The following NBEA variants were observed in gnomAD, a reference collection of about 807,000 sequenced individuals.
NBEA encodes neurobeachin.
NBEA carries 44 observed loss-of-function variants against 343.4 expected under a neutral mutation model. The observed-to-expected ratio is 0.13, with a 90% CI of 0.10 to 0.16. NBEA has a LOEUF of 0.16. NBEA is among the 10% of genes least tolerant of loss of function. The pLI, the probability that NBEA is intolerant of heterozygous loss-of-function variation, is 1.00. For synonymous variants in NBEA, 1,175 were observed against 1,238.7 expected (o/e 0.95, Z 1.08); for missense variants, 2,555 against 3,631.3 (o/e 0.70, Z 7.62).
intron 38 of NBEA, among the ~76,000 whole-genome samples, chr13:35,396,018 C>G (rs1265946744): frequency 6.6e-6 from 1 of 152,100 alleles, no homozygotes; most frequent in Non-Finnish European, 1.5e-5. Flanking sequence ...TCATCTGTGT[C>G]TATGTTTTTT....
At chr13:35,427,481 C>T (rs535343673) in intron 38 of NBEA, among the ~76,000 whole-genome samples, 13 of 152,282 alleles carry the variant, frequency 8.5e-5, no homozygotes, top group African/African-American at 3.1e-4. Flanking sequence ...GCTGCCGAAT[C>T]GTTCCTCTGG....
Position 35,586,541 on chromosome 13 carries a change from T to C in NBEA, c.7176+2503T>C, listed in dbSNP as rs1593296383. On this transcript the variant is annotated intron_variant, in intron 46 of 58. Coordinates refer to ENST00000379939, the MANE Select transcript of NBEA (RefSeq NM_001385012.1). The stretch of plus-strand genomic sequence containing the variant: ...TAAAACTATTTTTAGACCAAAGTTA[T>C]TAAATCAGTCTAGTTTATCCAAACA... Among the ~76,000 whole-genome samples, 3 of 152,354 alleles carry C rather than the reference T, an allele frequency of 2.0e-5. No homozygotes were observed. In the South Asian group the frequency reaches 6.2e-4, roughly 32 times the overall value.
intron 53 of NBEA, among the ~76,000 whole-genome samples, chr13:35,652,688 CT>C (rs766315741): frequency 1.6e-3 from 108 of 67,586 alleles, no homozygotes; most frequent in African/African-American, 5.6e-3. Context: ...TTCTGGCAGT[CT>C]TTTTTTTTTT....
At chr13:35,403,826 A>G (rs1195996556) in intron 38 of NBEA, among the ~76,000 whole-genome samples, 6 of 152,100 alleles carry the variant, frequency 3.9e-5, no homozygotes, top group African/African-American at 7.2e-5. Context: ...GCAACCTACA[A>G]AATGGGAGAA....
chr13:34,972,673 G>A (rs1054917552), intron 1 of NBEA, among the ~76,000 whole-genome samples: 3 of 152,122 alleles, frequency 2.0e-5, no homozygotes, highest in Non-Finnish European at 4.4e-5. Context: ...TAATTTGATT[G>A]CGCTGTGGTC....
At chr13:35,602,997 C>G (rs2082122402) in intron 47 of NBEA, among the ~76,000 whole-genome samples, 1 of 152,154 alleles carries the variant, frequency 6.6e-6, no homozygotes, top group African/African-American at 2.4e-5. Context: ...TCAACTTTTT[C>G]TATATTTAAA....
Position 34,942,501 on chromosome 13 carries a change from A to C in NBEA, c.-320A>C. On this transcript the variant is annotated 5_prime_UTR_variant, in exon 1 of 59. Transcript: ENST00000379939. Reference sequence around the variant, plus strand: ...GGCGGGCCGGGCCGGACAGACCGGGAGAGGGAGAGAGCAGAGGCAGCGGCG... The same window carrying C: ...GGCGGGCCGGGCCGGACAGACCGGGCGAGGGAGAGAGCAGAGGCAGCGGCG... 1.7e-5 allele frequency: 3 copies of C among 176,714 alleles called. No homozygotes were observed. Among genetic ancestry groups the C allele is most frequent in the Non-Finnish European group, 3.5e-5 (3 of 85,404 alleles). The allele number at this position is 176,714 out of a possible 1,614,324, so 10.9% of individuals were successfully genotyped here.
chr13:35,564,704 G>A (rs768207949), intron 44 of NBEA, among the ~76,000 whole-genome samples: 2 of 152,110 alleles, frequency 1.3e-5, no homozygotes, highest in East Asian at 3.9e-4. Flanking sequence ...ACACAAGCAG[G>A]TTCATTGATT....
At chr13:35,646,467 C>G (rs746441480) in intron 51 of NBEA, 119 bp downstream of exon 51, 84 of 741,028 alleles carry the variant, frequency 1.1e-4, no homozygotes, top group Non-Finnish European at 1.8e-4. Flanking sequence ...TTGGTTAACT[C>G]TTCAGCCTAA....
rs755621340 is a variant in NBEA at position 35,056,065 on chromosome 13, G to A, written c.1028G>A (p.Arg343Gln). The A allele has an allele frequency of 1.9e-6, 3 of 1,605,876 alleles. No homozygotes were observed. The highest frequency in any genetic ancestry group is 1.3e-5 in the African/African-American group (1 of 74,704). The change falls in exon 7 of 59, where the codon CGG becomes CAG. Residue 343 changes from arginine to glutamine, a missense_variant. Transcript: ENST00000379939. Reference protein sequence around the residue: ...IYNRWRNSEIRCYVNGQLVSY... With the variant: ...IYNRWRNSEIQCYVNGQLVSY... Reference sequence around the variant, plus strand: ...AATCGATGGAGGAACAGTGAAATTCGGTGTTATGTTAATGGACAACTGGTA... The same window carrying A: ...AATCGATGGAGGAACAGTGAAATTCAGTGTTATGTTAATGGACAACTGGTA...
Position 35,109,101 on chromosome 13 carries a change from A to G in NBEA, c.1681-189A>G, listed in dbSNP as rs551300637. Among the ~76,000 whole-genome samples the G allele has an allele frequency of 3.9e-4, 59 of 152,292 alleles. 1 individual carries two copies. The South Asian group carries it at 8.7e-3, about 22-fold the overall frequency. ...TAGATCAGGCTTCAAATAACAAGCT[A>G]TCACTCAAAGAAATAGCTGAAATTT... On this transcript the variant is annotated intron_variant, in intron 11 of 58. Coordinates refer to ENST00000379939, the MANE Select transcript of NBEA (RefSeq NM_001385012.1).
intron 1 of NBEA, among the ~76,000 whole-genome samples, chr13:34,959,182 C>CT (rs1415454813): frequency 2.0e-5 from 3 of 151,690 alleles, no homozygotes; most frequent in East Asian, 1.9e-4. Context: ...TTTAATGATT[C>CT]TTTTTTTTAC....
intron 41 of NBEA, among the ~76,000 whole-genome samples, chr13:35,516,634 A>G (rs910610768): frequency 6.6e-6 from 1 of 152,128 alleles, no homozygotes; most frequent in African/African-American, 2.4e-5. Context: ...TTTGTTATTC[A>G]TGCCACATTC....
intron 44 of NBEA, among the ~76,000 whole-genome samples, chr13:35,564,458 T>A (rs2080035235): frequency 6.6e-6 from 1 of 152,126 alleles, no homozygotes; most frequent in Non-Finnish European, 1.5e-5. Flanking sequence ...TAGCTCTGTC[T>A]AGCCAATCTG....
intron 41 of NBEA, chr13:35,476,442 A>G: frequency 1.1e-6 from 1 of 924,336 alleles, no homozygotes; most frequent in Non-Finnish European, 1.7e-6. Flanking sequence ...CCTCTTTTAA[A>G]GAATCCTTGT....
intron 34 of NBEA, among the ~76,000 whole-genome samples, chr13:35,283,585 T>C (rs547115846): frequency 1.3e-5 from 2 of 152,292 alleles, no homozygotes; most frequent in East Asian, 3.9e-4. Context: ...ATAAGCCAGA[T>C]GCATTTTACA....
chr13:35,661,435 C>T (rs754256267), intron 55 of NBEA, among the ~76,000 whole-genome samples: 2 of 152,120 alleles, frequency 1.3e-5, no homozygotes, highest in Non-Finnish European at 2.9e-5. Context: ...ATAATTTCAC[C>T]GTATCTGTCT....
chr13:35,108,612 T>C (rs1348479441), intron 11 of NBEA, among the ~76,000 whole-genome samples: 2 of 152,108 alleles, frequency 1.3e-5, no homozygotes, highest in Non-Finnish European at 2.9e-5. Context: ...TTATGACACA[T>C]CTCACTTTCA....
At chr13:35,094,001 T>C (rs974216509) in intron 10 of NBEA, among the ~76,000 whole-genome samples, 3 of 151,850 alleles carry the variant, frequency 2.0e-5, no homozygotes, top group Non-Finnish European at 2.9e-5. Flanking sequence ...ATAAGAGATT[T>C]ATAATGATTT....
Sources: allele counts gnomAD v4.1 joint callset (sites outside exome capture counted in the v4.1 genomes callset), GRCh38; gene constraint gnomAD v4.1.1; transcripts MANE v1.5; gene names NCBI Gene and HGNC (gene_info 2026-07-23, HGNC 2026-07-21).